Variants in PELP1 observed in about 807,000 individuals in gnomAD.
PELP1 encodes the protein proline-, glutamic acid- and leucine-rich protein 1.
Under a neutral mutation model 95.5 loss-of-function variants are expected in PELP1, and 32 were observed. That is an observed-to-expected ratio of 0.34 (90% CI 0.25 to 0.45). The LOEUF (loss-of-function observed/expected upper bound fraction) is 0.45. Ranked by LOEUF, PELP1 falls within the 20% of genes least tolerant of loss-of-function variation. The pLI, the probability that PELP1 is intolerant of heterozygous loss-of-function variation, is 1.00. For synonymous variants in PELP1, 668 were observed against 600.1 expected (o/e 1.11, Z -1.65); for missense variants, 1,358 against 1,444.8 (o/e 0.94, Z 0.97).
At chr17:4,690,286 G>A (rs1269083849) in intron 3 of PELP1, among the ~76,000 whole-genome samples, 1 of 152,152 alleles carries the variant, frequency 6.6e-6, no homozygotes, top group South Asian at 2.1e-4. Flanking sequence ...AAATGTGGGA[G>A]ATGGGTGAGG....
rs763565887 is a variant in PELP1, at chr17:4,673,341, G to A, written c.1754C>T (p.Ala585Val). Reference sequence around the variant, plus strand: ...GCGAGGAGACGGGGCCAGCAGCAGCGCCAGCAGCAGGCAGTAGAGTTCACG... The same window carrying A: ...GCGAGGAGACGGGGCCAGCAGCAGCACCAGCAGCAGGCAGTAGAGTTCACG... ...CRRELYCLLL[A>V]LLLAPSPRCP... The change falls in exon 15 of 17, where the codon GCG becomes GTG. Residue 585 changes from alanine (A) to valine (V), a missense_variant. Transcript: ENST00000572293. The surrounding 1 kb of genome is among the most constrained non-coding windows in gnomAD (Gnocchi z 5.7). 1.3e-5 allele frequency: 20 copies of A among 1,594,060 alleles called. No homozygotes were observed. Among genetic ancestry groups the A allele is most frequent in the South Asian group, 2.3e-5 (2 of 88,032 alleles).
At chr17:4,691,776 A>T in intron 1 of PELP1, 1 of 259,292 alleles carries the variant, frequency 3.9e-6, no homozygotes. Flanking sequence ...AGCACCTAAT[A>T]GGAGACATCC....
chr17:4,671,950 G>A lies in PELP1; in HGVS notation c.3041C>T (p.Thr1014Met), dbSNP rs368789821. Residue 1014 changes from threonine (T) to methionine (M), a missense_variant, in exon 16 of 17, where the codon ACG becomes ATG. Transcript: ENST00000572293. ...GLLLEVEEPG[T>M]EEERGADTAP... ...TGTGTCAGCCCCACGCTCCTCCTCC[G>A]TCCCTGGCTCCTCCACTTCCAAAAG... 74 of 1,531,698 alleles carry A rather than the reference G, an allele frequency of 4.8e-5. No individual in the cohort carries two copies. Among genetic ancestry groups the A allele is most frequent in the Middle Eastern group, 1.8e-4 (1 of 5,566 alleles). 94.9% of individuals were successfully genotyped at this position (1,531,698 alleles called of 1,614,324 possible). A position where few individuals can be genotyped will look rare whatever the true frequency, so the allele number is the denominator to read the frequency against.
chr17:4,670,789 G>A lies in PELP1; in HGVS notation c.*650C>T, dbSNP rs913635849. 3.9e-5 allele frequency: 6 copies of A among 152,634 alleles called. No individual in the cohort carries two copies. Among genetic ancestry groups the A allele is most frequent in the African/African-American group, 1.4e-4 (6 of 41,434 alleles). The allele number at this position is 152,634 out of a possible 1,614,324, so 9.5% of individuals were successfully genotyped here. ...ACCTCAAGAGTGAGCAGGAAGGCCTGGGGTGAGCTTATCAAACTCCTGCCA... is the reference window on the plus strand; with the variant it reads ...ACCTCAAGAGTGAGCAGGAAGGCCTAGGGTGAGCTTATCAAACTCCTGCCA... On this transcript the variant is annotated 3_prime_UTR_variant, in exon 17 of 17. Coordinates refer to ENST00000572293, the MANE Select transcript of PELP1 (RefSeq NM_014389.3).
chr17:4,702,119 TA>T lies in PELP1; in HGVS notation c.249+1743del, dbSNP rs528007065. 3.0e-3 allele frequency among the ~76,000 whole-genome samples: 462 copies of T among 152,120 alleles called. 3 individuals are homozygous for T. Among genetic ancestry groups the T allele is most frequent in the African/African-American group, 0.011 (436 of 41,504 alleles). ...ATAGGTAATATTTCACAAATACTTA[TA>T]AAAAAAATTTCTGGGGGGCAAGGCA... On this transcript the variant is annotated intron_variant, in intron 1 of 16. Transcript: ENST00000572293.
intron 1 of PELP1, among the ~76,000 whole-genome samples, chr17:4,698,226 G>T (rs1567669144): frequency 6.6e-6 from 1 of 151,992 alleles, no homozygotes; most frequent in East Asian, 1.9e-4. Context: ...GTTTCCTCAT[G>T]ATTAGATCCT....
chr17:4,702,365 G>C (rs1165864363), intron 1 of PELP1, among the ~76,000 whole-genome samples: 5 of 152,192 alleles, frequency 3.3e-5, no homozygotes, highest in Non-Finnish European at 7.3e-5. Context: ...GTTGCAGTGA[G>C]CCAAGATCAT....
chr17:4,703,467 A>G (rs540887876), intron 1 of PELP1, among the ~76,000 whole-genome samples: 3 of 152,206 alleles, frequency 2.0e-5, no homozygotes, highest in East Asian at 1.9e-4. Context: ...CGCCTAGTAC[A>G]GTATCTGACC....
Position 4,703,946 on chromosome 17 carries a change from C to T in PELP1, c.166G>A (p.Val56Met). 6.2e-7 allele frequency: 1 copy of T among 1,613,612 alleles called. No homozygotes were observed. The highest frequency in any genetic ancestry group is 8.5e-7 in the Non-Finnish European group (1 of 1,179,742). The change falls in exon 1 of 17, where the codon GTG becomes ATG. Residue 56 changes from valine (V) to methionine (M), a missense_variant. This residue lies in a region of PELP1 where 169 missense variants were observed against 134.9 expected (regional missense o/e 1.25). Coordinates refer to ENST00000572293, the MANE Select transcript of PELP1 (RefSeq NM_014389.3). Reference sequence around the variant, plus strand: ...GGGGCCGAGCGGTTTGGGGGATGCACCGGAGCAACGGCAGACCCCGTTCGA... The same window carrying T: ...GGGGCCGAGCGGTTTGGGGGATGCATCGGAGCAACGGCAGACCCCGTTCGA... Reference protein sequence around the residue: ...QPRTGSAVAPVHPPNRSAPHL... With the variant: ...QPRTGSAVAPMHPPNRSAPHL...
chr17:4,692,036 G>A (rs1406179347), intron 1 of PELP1, among the ~76,000 whole-genome samples: 4 of 152,056 alleles, frequency 2.6e-5, no homozygotes, highest in East Asian at 1.9e-4. Flanking sequence ...CGGCACCCGC[G>A]TCTCCCTAAC....
At position 4,672,716 on chromosome 17, in the gene PELP1, T is replaced by A; in HGVS notation, c.2275A>T (p.Arg759Ter). The A allele has an allele frequency of 6.2e-7, 1 of 1,613,046 alleles. No individual in the cohort carries two copies. The highest frequency in any genetic ancestry group is 8.5e-7 in the Non-Finnish European group (1 of 1,179,560). Residue 759 changes from arginine (R) to a stop codon, truncating the protein, a stop_gained, in exon 16 of 17, where the codon AGA becomes TGA. Coordinates refer to ENST00000572293, the MANE Select transcript of PELP1 (RefSeq NM_014389.3). LOFTEE classifies it high-confidence loss of function. Reference protein sequence around the residue: ...TIPPDETFGGRVPRPAFVHYD... With the variant: ...TIPPDETFGG ...TGGACAAAGGCTGGTCTGGGCACTC[T>A]CCCCCCAAAAGTTTCATCTGGGGGT...
intron 3 of PELP1, among the ~76,000 whole-genome samples, chr17:4,687,498 CA>C (rs61629319): frequency 7.5e-5 from 8 of 107,324 alleles, no homozygotes; most frequent in African/African-American, 2.8e-4. Context: ...GACTCCATCT[CA>C]AAAAAAAAAA....
intron 3 of PELP1, among the ~76,000 whole-genome samples, chr17:4,685,305 C>G (rs146174946): frequency 2.0e-5 from 3 of 152,106 alleles, no homozygotes; most frequent in Admixed American, 6.6e-5. Flanking sequence ...TTCGCTTGGC[C>G]CCCCCAGCCC....
intron 1 of PELP1, among the ~76,000 whole-genome samples, chr17:4,697,623 A>AT (rs1160421424): frequency 6.6e-6 from 1 of 152,238 alleles, no homozygotes; most frequent in East Asian, 1.9e-4. Context: ...AATGGTAGCG[A>AT]TAAGTCAAAT....
At chr17:4,676,658 C>A in intron 6 of PELP1, 95 bp downstream of exon 6, 1 of 1,352,132 alleles carries the variant, frequency 7.4e-7, no homozygotes, top group South Asian at 1.2e-5. Context: ...CACAGATGGG[C>A]ATATGAAGGC....
chr17:4,689,590 A>G (rs767410410), intron 3 of PELP1, among the ~76,000 whole-genome samples: 2 of 152,248 alleles, frequency 1.3e-5, no homozygotes, highest in Non-Finnish European at 2.9e-5. Context: ...TGATCCAGCA[A>G]TCCCACTACT....
At chr17:4,681,068 G>C (rs903722563) in intron 5 of PELP1, among the ~76,000 whole-genome samples, 1 of 152,172 alleles carries the variant, frequency 6.6e-6, no homozygotes, top group Non-Finnish European at 1.5e-5. Context: ...GGGAGGAAGG[G>C]GTCAGGAAGC....
At chr17:4,671,659 G>A (rs377010854) in intron 16 of PELP1, 32 bp downstream of exon 16, 19 of 1,599,520 alleles carry the variant, frequency 1.2e-5, no homozygotes, top group Middle Eastern at 1.7e-4. Context: ...CCACCTTCTC[G>A]CCCAAGGAAC....
At position 4,669,814 on chromosome 17, in the gene PELP1, C is replaced by T. The variant is rs1912128350; in HGVS notation, c.*1625G>A. ...GAAAATTTTAATATCACAATTATCA[C>T]TGGATTACTGTTATTTTTCTTAGGT... is the stretch of plus-strand genomic sequence containing the variant. On this transcript the variant is annotated 3_prime_UTR_variant, in exon 17 of 17. Coordinates refer to ENST00000572293, the MANE Select transcript of PELP1 (RefSeq NM_014389.3). The T allele has an allele frequency of 6.6e-6, 1 of 150,768 alleles. No homozygotes were observed. The highest frequency in any genetic ancestry group is 6.6e-5 in the Admixed American group (1 of 15,152). 9.3% of individuals were successfully genotyped at this position (150,768 alleles called of 1,614,324 possible).
Sources: allele counts gnomAD v4.1 joint callset (sites outside exome capture counted in the v4.1 genomes callset), GRCh38; gene constraint gnomAD v4.1.1; regional missense constraint gnomAD v4.1.1; non-coding constraint Gnocchi (gnomAD v3.1); transcripts MANE v1.5; gene names NCBI Gene and HGNC (gene_info 2026-07-23, HGNC 2026-07-21).